The following OPCML variants were observed in gnomAD, a reference collection of about 807,000 sequenced individuals.
The protein encoded by OPCML is opioid-binding protein/cell adhesion molecule.
OPCML carries 13 observed loss-of-function variants against 37.8 expected under a neutral mutation model. The observed-to-expected ratio is 0.34, with a 90% CI of 0.22 to 0.55. The LOEUF (loss-of-function observed/expected upper bound fraction) is 0.55. Ranked by LOEUF, OPCML falls within the 20% of genes least tolerant of loss-of-function variation. OPCML has a pLI of 0.91. For synonymous variants in OPCML, 176 were observed against 168.8 expected (o/e 1.04, Z -0.33); for missense variants, 341 against 435.6 (o/e 0.78, Z 1.93).
At chr11:132,636,424 A>G (rs1940503301) in intron 3 of OPCML, among the ~76,000 whole-genome samples, 1 of 152,212 alleles carries the variant, frequency 6.6e-6, no homozygotes, top group African/African-American at 2.4e-5. Context: ...TATTTAACTA[A>G]TTCAGTCAAA....
intron 3 of OPCML, among the ~76,000 whole-genome samples, chr11:132,543,558 A>G (rs1489721108): frequency 2.0e-5 from 3 of 152,160 alleles, no homozygotes; most frequent in East Asian, 1.9e-4. Context: ...AAAAAATAGT[A>G]TAGAATAGAC....
intron 3 of OPCML, among the ~76,000 whole-genome samples, chr11:132,573,462 G>T (rs563037679): frequency 2.0e-5 from 3 of 151,846 alleles, no homozygotes; most frequent in Non-Finnish European, 4.4e-5. Context: ...TATTTATCAC[G>T]AAAGGACATT....
intron 1 of OPCML, among the ~76,000 whole-genome samples, chr11:133,376,665 T>C (rs966211669): frequency 6.6e-6 from 1 of 152,228 alleles, no homozygotes; most frequent in Non-Finnish European, 1.5e-5. Flanking sequence ...ATGAGCTATT[T>C]TTAGTCTGTT....
At chr11:133,215,839 A>G (rs577573614) in intron 1 of OPCML, among the ~76,000 whole-genome samples, 1 of 152,224 alleles carries the variant, frequency 6.6e-6, no homozygotes, top group Admixed American at 6.5e-5. Flanking sequence ...CATTTTCCTA[A>G]TAAGACTTTG....
intron 2 of OPCML, among the ~76,000 whole-genome samples, chr11:132,698,402 G>T (rs910286667): frequency 6.6e-6 from 1 of 152,058 alleles, no homozygotes; most frequent in African/African-American, 2.4e-5. Context: ...GTGATGTTGA[G>T]TTTTTTTAAA....
chr11:132,623,361 G>A (rs1452230067), intron 3 of OPCML, among the ~76,000 whole-genome samples: 8 of 151,714 alleles, frequency 5.3e-5, no homozygotes, highest in East Asian at 3.9e-4. Flanking sequence ...GAACTGGGAC[G>A]TTAAAAACAA....
chr11:133,219,565 T>C (rs545375), intron 1 of OPCML, among the ~76,000 whole-genome samples: 51,718 of 152,068 alleles, frequency 0.34, 9,518 homozygotes, highest in African/African-American at 0.48. Context: ...ACATAATCCA[T>C]CCCCTGGGTC....
chr11:132,471,311 T>C (rs2096137363), intron 4 of OPCML, among the ~76,000 whole-genome samples: 1 of 152,182 alleles, frequency 6.6e-6, no homozygotes, highest in Admixed American at 6.5e-5. Flanking sequence ...GCTCTTCAGG[T>C]ACTGCTCCTG....
intron 4 of OPCML, among the ~76,000 whole-genome samples, chr11:132,526,769 A>C (rs560149452): frequency 1.0e-3 from 157 of 152,282 alleles, no homozygotes; most frequent in African/African-American, 3.7e-3. Context: ...CTACAATAAA[A>C]TGCACTTTTT....
chr11:132,691,149 T>A (rs192264832), intron 2 of OPCML, among the ~76,000 whole-genome samples: 77 of 152,318 alleles, frequency 5.1e-4, no homozygotes, highest in African/African-American at 1.8e-3. Flanking sequence ...GAGCCACAGA[T>A]AATTTCTCCT....
chr11:132,790,179 A>C (rs1937801093), intron 2 of OPCML, among the ~76,000 whole-genome samples: 1 of 152,206 alleles, frequency 6.6e-6, no homozygotes, highest in South Asian at 2.1e-4. Context: ...TAAGATATGG[A>C]CTCCACCTAA....
intron 4 of OPCML, among the ~76,000 whole-genome samples, chr11:132,516,293 A>G (rs2096279559): frequency 6.6e-6 from 1 of 152,302 alleles, no homozygotes; most frequent in East Asian, 1.9e-4. Flanking sequence ...TAATACAGCT[A>G]GGACTTGAAG....
chr11:132,910,801 CA>C (rs1944403977), intron 2 of OPCML, among the ~76,000 whole-genome samples: 1 of 152,208 alleles, frequency 6.6e-6, no homozygotes, highest in African/African-American at 2.4e-5. Context: ...AGTTGCAACT[CA>C]ATTGCTGTTT....
At chr11:132,682,718 A>G (rs989172239) in intron 2 of OPCML, among the ~76,000 whole-genome samples, 7 of 152,192 alleles carry the variant, frequency 4.6e-5, no homozygotes, top group Non-Finnish European at 1.0e-4. Flanking sequence ...ACCTGTGTAA[A>G]GGACCCATCT....
At chr11:132,487,571 G>A (rs145378570) in intron 4 of OPCML, among the ~76,000 whole-genome samples, 281 of 152,236 alleles carry the variant, frequency 1.8e-3, no homozygotes, top group African/African-American at 5.9e-3. Flanking sequence ...TGCTTTTCTC[G>A]TGATGCTTCC....
At chr11:132,492,942 G>A (rs1319645648) in intron 4 of OPCML, among the ~76,000 whole-genome samples, 1 of 152,122 alleles carries the variant, frequency 6.6e-6, no homozygotes, top group Non-Finnish European at 1.5e-5. Context: ...ATGGATGATG[G>A]CCCTCCAGAG....
intron 1 of OPCML, among the ~76,000 whole-genome samples, chr11:133,151,495 A>G (rs1280928834): frequency 6.6e-6 from 1 of 152,052 alleles, no homozygotes; most frequent in African/African-American, 2.4e-5. Context: ...AAGCTAGAAG[A>G]GCCTGTATCA....
chr11:133,048,460 A>T (rs1948064740), intron 1 of OPCML, among the ~76,000 whole-genome samples: 1 of 152,068 alleles, frequency 6.6e-6, no homozygotes, highest in African/African-American at 2.4e-5. Flanking sequence ...TCATCATACC[A>T]CTTAGCGCCA....
intron 1 of OPCML, among the ~76,000 whole-genome samples, chr11:133,058,930 T>A (rs1483145127): frequency 6.6e-6 from 1 of 152,256 alleles, no homozygotes; most frequent in Admixed American, 6.5e-5. Flanking sequence ...CTCACTGACC[T>A]AGGCTGCCGC....
Sources: gnomAD v4.1 joint callset for allele counts (sites outside exome capture counted in the v4.1 genomes callset) on GRCh38, gnomAD v4.1.1 for gene constraint, MANE v1.5 for transcripts, NCBI Gene and HGNC (gene_info 2026-07-23, HGNC 2026-07-21) for gene names.